UNC79: variants seen among roughly 807,000 people sequenced by gnomAD.
UNC79 encodes the protein unc-79 subunit of NALCN channel complex.
In UNC79, 37 loss-of-function variants were observed where a neutral mutation model predicts 283.1. The ratio of observed to expected loss-of-function variants is 0.13; its 90% CI spans 0.10 to 0.17. The LOEUF (loss-of-function observed/expected upper bound fraction) is 0.17, where lower values mean the gene tolerates loss of function less well. Ranked by LOEUF, UNC79 falls within the 10% of genes least tolerant of loss-of-function variation. The probability of loss-of-function intolerance (pLI) is 1.00; values close to 1 mark genes in which losing one functional copy is unlikely to be tolerated. For synonymous variants in UNC79, 1,107 were observed against 1,200.2 expected (o/e 0.92, Z 1.61); for missense variants, 2,272 against 3,211.1 (o/e 0.71, Z 7.07).
chr14:93,598,924 T>C (rs187260672), intron 24 of UNC79, among the ~76,000 whole-genome samples: 73 of 152,310 alleles, frequency 4.8e-4, no homozygotes, highest in Middle Eastern at 3.4e-3. Flanking sequence ...ATATGAGACC[T>C]GGAGAGAGTG....
At chr14:93,479,901 G>A (rs569258515) in intron 4 of UNC79, among the ~76,000 whole-genome samples, 13 of 152,326 alleles carry the variant, frequency 8.5e-5, no homozygotes, top group African/African-American at 3.1e-4. Flanking sequence ...CCAAAGTGCT[G>A]GGAGGCGATG....
intron 1 of UNC79, among the ~76,000 whole-genome samples, 164 bp downstream of exon 1, chr14:93,431,215 G>A (rs2055862172): frequency 6.6e-6 from 1 of 150,714 alleles, no homozygotes; most frequent in Admixed American, 6.6e-5. Context: ...GGGGAGGGTG[G>A]ACGTTAATGG....
At chr14:93,645,707 G>C (rs892261876) in intron 34 of UNC79, among the ~76,000 whole-genome samples, 1 of 152,018 alleles carries the variant, frequency 6.6e-6, no homozygotes, top group Non-Finnish European at 1.5e-5. Flanking sequence ...ATCCCTTTCT[G>C]TAGGTACAGC....
intron 7 of UNC79, among the ~76,000 whole-genome samples, chr14:93,512,811 C>T (rs1344630903): frequency 6.6e-6 from 1 of 151,980 alleles, no homozygotes; most frequent in Non-Finnish European, 1.5e-5. Flanking sequence ...CATATTTGAA[C>T]TACTTATTTT....
chr14:93,547,479 A>G (rs2061658365), intron 14 of UNC79, among the ~76,000 whole-genome samples: 1 of 152,244 alleles, frequency 6.6e-6, no homozygotes, highest in Admixed American at 6.5e-5. Context: ...AAAAGTTATC[A>G]GAAATGTCAA....
intron 7 of UNC79, among the ~76,000 whole-genome samples, chr14:93,507,853 T>C (rs557172440): frequency 1.3e-5 from 2 of 152,190 alleles, no homozygotes; most frequent in African/African-American, 2.4e-5. Flanking sequence ...CTATGATCTG[T>C]CTTAAGTTTA....
chr14:93,668,670 C>T (rs1204373890), intron 40 of UNC79, among the ~76,000 whole-genome samples: 2 of 151,310 alleles, frequency 1.3e-5, no homozygotes, highest in South Asian at 2.1e-4. Flanking sequence ...CATAGTGAAA[C>T]ACTGTCTCTA....
intron 11 of UNC79, among the ~76,000 whole-genome samples, chr14:93,536,782 CTTTTTTTT>C (rs35677025): frequency 0.053 from 4,363 of 82,414 alleles, 150 homozygotes; most frequent in African/African-American, 0.17. Flanking sequence ...CCACCCCCGG[CTTTTTTTT>C]TTTTTTTTTT....
intron 7 of UNC79, among the ~76,000 whole-genome samples, chr14:93,497,514 G>A (rs572234669): frequency 6.6e-6 from 1 of 152,284 alleles, no homozygotes; most frequent in African/African-American, 2.4e-5. Context: ...AGTCCCATTT[G>A]CTGTACCACT....
rs772407924 is a variant in UNC79 at position 93,531,077 on chromosome 14, G to C, written c.1094-1473G>C. On this transcript the variant is annotated intron_variant, in intron 10 of 48. Transcript: ENST00000555664. The surrounding 1 kb of genome is among the most constrained non-coding windows in gnomAD (Gnocchi z 4.2). ...GCCATAGTCAAGTTATAAAATATAA[G>C]TTATAAAATCCTTTTTAAATATGTT... Among the ~76,000 whole-genome samples the C allele has an allele frequency of 3.3e-5, 5 of 152,154 alleles. No individual in the cohort carries two copies. Among genetic ancestry groups the C allele is most frequent in the Non-Finnish European group, 5.9e-5 (4 of 68,018 alleles).
chr14:93,533,308 T>C (rs746269044), intron 11 of UNC79, among the ~76,000 whole-genome samples: 7 of 152,188 alleles, frequency 4.6e-5, no homozygotes, highest in African/African-American at 1.7e-4. Context: ...GTCTCAGTTA[T>C]CTATGGATGC....
chr14:93,682,059 C>A (rs1269104690), intron 41 of UNC79, among the ~76,000 whole-genome samples: 1 of 152,128 alleles, frequency 6.6e-6, no homozygotes, highest in Non-Finnish European at 1.5e-5. Context: ...GTGACTGTTA[C>A]AATGGAAGTG....
intron 4 of UNC79, among the ~76,000 whole-genome samples, chr14:93,481,017 G>A (rs767544690): frequency 6.6e-6 from 1 of 152,092 alleles, no homozygotes; most frequent in Non-Finnish European, 1.5e-5. Context: ...CTTTGAAGTG[G>A]ACCTAATGAG....
intron 38 of UNC79, among the ~76,000 whole-genome samples, chr14:93,656,991 C>G (rs1331028234): frequency 6.6e-6 from 1 of 152,120 alleles, no homozygotes; most frequent in Non-Finnish European, 1.5e-5. Context: ...TACATTTTTC[C>G]AAATGGGCAG....
chr14:93,681,875 G>C (rs2073871663), intron 41 of UNC79, among the ~76,000 whole-genome samples: 1 of 152,214 alleles, frequency 6.6e-6, no homozygotes, highest in Non-Finnish European at 1.5e-5. Flanking sequence ...ATCCATTCTT[G>C]TAATGATCTC....
intron 1 of UNC79, among the ~76,000 whole-genome samples, chr14:93,354,089 T>A (rs2054033401): frequency 6.6e-6 from 1 of 152,142 alleles, no homozygotes; most frequent in African/African-American, 2.4e-5. Context: ...GGAAAAAAAC[T>A]AAAATTTTAG....
At chr14:93,661,457 G>A (rs1303092132) in intron 39 of UNC79, among the ~76,000 whole-genome samples, 1 of 152,174 alleles carries the variant, frequency 6.6e-6, no homozygotes, top group African/African-American at 2.4e-5. Context: ...CAGACAGTGA[G>A]CACTATAGAG....
intron 24 of UNC79, among the ~76,000 whole-genome samples, 194 bp from the exon 25 acceptor site, chr14:93,600,375 C>T (rs757219336): frequency 9.2e-5 from 14 of 152,220 alleles, no homozygotes; most frequent in Middle Eastern, 3.4e-3. Flanking sequence ...AAGATAAATT[C>T]CTCTTCTACA....
At chr14:93,465,045 A>G (rs529887470) in intron 1 of UNC79, among the ~76,000 whole-genome samples, 24 of 152,158 alleles carry the variant, frequency 1.6e-4, no homozygotes, top group African/African-American at 5.8e-4. Context: ...ATTTTTTTCA[A>G]TCTGTTCTAA....
Sources: gnomAD v4.1 joint callset for allele counts (sites outside exome capture counted in the v4.1 genomes callset) on GRCh38, gnomAD v4.1.1 for gene constraint, Gnocchi (gnomAD v3.1) non-coding constraint, MANE v1.5 for transcripts, NCBI Gene and HGNC (gene_info 2026-07-23, HGNC 2026-07-21) for gene names.